NRXN3: variants seen among roughly 807,000 people sequenced by gnomAD.
NRXN3 encodes the protein neurexin III.
In NRXN3, 32 loss-of-function variants were observed where a neutral mutation model predicts 137.6. The ratio of observed to expected loss-of-function variants is 0.23; its 90% CI spans 0.18 to 0.31. The LOEUF is 0.31. NRXN3 is among the 10% of genes least tolerant of loss of function. NRXN3 has a pLI of 1.00. For synonymous variants in NRXN3, 798 were observed against 784.5 expected (o/e 1.02, Z -0.29); for missense variants, 1,574 against 2,062.5 (o/e 0.76, Z 4.59).
chr14:79,673,920 A>G (rs2098626493), intron 17 of NRXN3, among the ~76,000 whole-genome samples: 1 of 152,094 alleles, frequency 6.6e-6, no homozygotes, highest in Non-Finnish European at 1.5e-5. Flanking sequence ...TCCTAGGGTC[A>G]AGCTAGCACA....
chr14:79,282,075 T>A (rs1258039928), intron 15 of NRXN3, among the ~76,000 whole-genome samples: 1 of 152,072 alleles, frequency 6.6e-6, no homozygotes, highest in Non-Finnish European at 1.5e-5. Flanking sequence ...CTCTTTTCTC[T>A]GTGACTCCTG....
chr14:78,939,360 A>G (rs1186927861), intron 10 of NRXN3, among the ~76,000 whole-genome samples: 6 of 152,238 alleles, frequency 3.9e-5, no homozygotes, highest in South Asian at 4.1e-4. Flanking sequence ...GATTGGTTCA[A>G]TAAACACAGG....
At position 78,314,881 on chromosome 14, in the gene NRXN3, CTTTCTTTCTTTCTCTTT is replaced by C. The variant is rs1567234130; in HGVS notation, c.757+17022_757+17038del. ...ATTTTGTGTATTTTTCTTTTCCGTTCTTTCTTTCTTTCTCTTTCTTTCTTTCTTTCTTTCTTTCTTTC... is the reference window on the plus strand; with the variant it reads ...ATTTTGTGTATTTTTCTTTTCCGTTCCTTTCTTTCTTTCTTTCTTTCTTTC... On this transcript the variant is annotated intron_variant, in intron 4 of 20. Coordinates refer to ENST00000335750, the MANE Select transcript of NRXN3 (RefSeq NM_001330195.2). Among the ~76,000 whole-genome samples the C allele has an allele frequency of 2.0e-3, 197 of 98,968 alleles. 1 individual carries two copies. Among genetic ancestry groups the C allele is most frequent in the Middle Eastern group, 5.3e-3 (1 of 188 alleles). 64.9% of individuals were successfully genotyped at this position (98,968 alleles called of 152,430 possible).
At chr14:78,204,566 T>A (rs1331416266) in intron 1 of NRXN3, among the ~76,000 whole-genome samples, 2 of 152,206 alleles carry the variant, frequency 1.3e-5, no homozygotes, top group Non-Finnish European at 2.9e-5. Context: ...ATGGTGGTAA[T>A]GAAATATTAT....
rs2057314968 is a variant in NRXN3, at chr14:79,130,570, CT to C, written c.3262+142432del. Among the ~76,000 whole-genome samples the C allele has an allele frequency of 2.6e-5, 4 of 151,856 alleles. No homozygotes were observed. The Middle Eastern group carries it at 0.01, about 387-fold the overall frequency. ...TCAGCTGTTAGTCTGATGGGCTTCC[CT>C]TTGTGGGTAACCCGACCTTTCTCTC... On this transcript the variant is annotated intron_variant, in intron 15 of 20. Coordinates refer to ENST00000335750, the MANE Select transcript of NRXN3 (RefSeq NM_001330195.2).
intron 16 of NRXN3, among the ~76,000 whole-genome samples, chr14:79,533,128 A>G (rs1007277364): frequency 1.3e-5 from 2 of 152,184 alleles, no homozygotes; most frequent in Non-Finnish European, 2.9e-5. Flanking sequence ...TTTAACATAT[A>G]TTTACTCATT....
intron 16 of NRXN3, among the ~76,000 whole-genome samples, chr14:79,545,311 C>T (rs922346028): frequency 3.9e-5 from 6 of 152,142 alleles, no homozygotes; most frequent in Non-Finnish European, 7.4e-5. Context: ...AATCTACTTC[C>T]TTGCTTTTTC....
intron 1 of NRXN3, among the ~76,000 whole-genome samples, chr14:78,208,989 G>A (rs2062479286): frequency 6.6e-6 from 1 of 152,054 alleles, no homozygotes; most frequent in Non-Finnish European, 1.5e-5. Flanking sequence ...GAACTTCTGG[G>A]CCTCAACACT....
intron 16 of NRXN3, among the ~76,000 whole-genome samples, chr14:79,583,245 A>G (rs2097733951): frequency 6.6e-6 from 1 of 152,174 alleles, no homozygotes; most frequent in African/African-American, 2.4e-5. Flanking sequence ...TAAAATAGAG[A>G]TAATTACAGT....
intron 16 of NRXN3, among the ~76,000 whole-genome samples, chr14:79,658,361 G>C (rs2153981259): frequency 6.6e-6 from 1 of 152,260 alleles, no homozygotes; most frequent in South Asian, 2.1e-4. Context: ...ACCAAGCTTT[G>C]TTTCTCAGCC....
chr14:78,651,726 A>T (rs2097745473), intron 6 of NRXN3, among the ~76,000 whole-genome samples: 1 of 152,342 alleles, frequency 6.6e-6, no homozygotes, highest in East Asian at 1.9e-4. Context: ...ACTCCTCTTT[A>T]ATAAAACCAT....
intron 16 of NRXN3, among the ~76,000 whole-genome samples, chr14:79,487,138 A>G (rs927793026): frequency 6.6e-6 from 1 of 152,080 alleles, no homozygotes; most frequent in Non-Finnish European, 1.5e-5. Flanking sequence ...CATCCGTTGA[A>G]ATTGGGGATA....
chr14:79,066,986 A>T (rs533013789), intron 15 of NRXN3, among the ~76,000 whole-genome samples: 5 of 152,206 alleles, frequency 3.3e-5, no homozygotes, highest in Non-Finnish European at 7.4e-5. Context: ...TGCCCTGACT[A>T]GAACTTCCAA....
rs1555491976 is a variant in NRXN3, at chr14:79,504,655, G to GTGTATA, written c.3444+37254_3444+37255insGTATAT. On this transcript the variant is annotated intron_variant, in intron 16 of 20. Transcript: ENST00000335750. ...AATGAAGTTTTTTATATATATATATGTATATATATATATATATATAAAACA... is the reference window on the plus strand; with the variant it reads ...AATGAAGTTTTTTATATATATATATGTGTATATATATATATATATATATATAAAACA... Among the ~76,000 whole-genome samples, 169 of 104,224 alleles carry GTGTATA rather than the reference G, an allele frequency of 1.6e-3. 5 individuals carry two copies. The highest frequency in any genetic ancestry group is 2.2e-3 in the Non-Finnish European group (107 of 48,076). The allele number at this position is 104,224 out of a possible 152,430, so 68.4% of individuals were successfully genotyped here. A position where few individuals can be genotyped will look rare whatever the true frequency, so the allele number is the denominator to read the frequency against.
intron 8 of NRXN3, among the ~76,000 whole-genome samples, chr14:78,768,354 G>C (rs1320396031): frequency 1.3e-5 from 2 of 152,112 alleles, no homozygotes; most frequent in Non-Finnish European, 2.9e-5. Flanking sequence ...ATTTAAGTTA[G>C]AGAAAAACAA....
intron 15 of NRXN3, among the ~76,000 whole-genome samples, chr14:79,194,279 G>A (rs928587926): frequency 6.6e-6 from 1 of 152,156 alleles, no homozygotes; most frequent in African/African-American, 2.4e-5. Context: ...TCTCTGACAT[G>A]CAAAAATGCC....
chr14:78,412,209 G>A (rs991001978), intron 4 of NRXN3, among the ~76,000 whole-genome samples: 1 of 152,124 alleles, frequency 6.6e-6, no homozygotes, highest in Non-Finnish European at 1.5e-5. Flanking sequence ...ACTAAGTCTG[G>A]CCAGTGAGCT....
chr14:78,339,931 G>C (rs756868108), intron 4 of NRXN3, among the ~76,000 whole-genome samples: 6 of 152,160 alleles, frequency 3.9e-5, no homozygotes, highest in Admixed American at 6.6e-5. Flanking sequence ...CAGAAAGAGA[G>C]ATATTAGACT....
At chr14:78,671,132 G>T (rs760343870) in intron 6 of NRXN3, among the ~76,000 whole-genome samples, 19 of 152,192 alleles carry the variant, frequency 1.2e-4, no homozygotes, top group Non-Finnish European at 2.1e-4. Flanking sequence ...AAGAACTAGA[G>T]AAAACGTTGT....
Sources: allele counts gnomAD v4.1 joint callset (sites outside exome capture counted in the v4.1 genomes callset), GRCh38; gene constraint gnomAD v4.1.1; transcripts MANE v1.5; gene names NCBI Gene and HGNC (gene_info 2026-07-23, HGNC 2026-07-21).